STPG2: variants seen among roughly 807,000 people sequenced by gnomAD.
STPG2 encodes the protein sperm-tail PG-rich repeat-containing protein 2.
In STPG2, 56 loss-of-function variants were observed where a neutral mutation model predicts 54.2. The observed-to-expected ratio is 1.03, with a 90% CI of 0.83 to 1.29. The LOEUF is 1.29. Ranked by LOEUF, STPG2 falls within the 50% of genes most tolerant of loss-of-function variation. The pLI, the probability that STPG2 is intolerant of heterozygous loss-of-function variation, is 0.00. For missense variants in STPG2, 596 were observed against 544.9 expected (o/e 1.09, Z -0.93); for synonymous variants, 200 against 181.8 (o/e 1.10, Z -0.81).
At chr4:97,921,199 C>T (rs969328589) in intron 8 of STPG2, among the ~76,000 whole-genome samples, 3 of 152,072 alleles carry the variant, frequency 2.0e-5, no homozygotes, top group East Asian at 1.9e-4. Context: ...CCTAACTTTG[C>T]CATGCACCCC....
chr4:98,113,518 G>A (rs1006459032), intron 3 of STPG2, among the ~76,000 whole-genome samples: 1 of 151,920 alleles, frequency 6.6e-6, no homozygotes, highest in Non-Finnish European at 1.5e-5. Flanking sequence ...ACTGTACGTG[G>A]TCTCAGTGGG....
chr4:97,810,391 G>T (rs1245423165), intron 9 of STPG2, among the ~76,000 whole-genome samples: 1 of 151,810 alleles, frequency 6.6e-6, no homozygotes, highest in East Asian at 1.9e-4. Context: ...TTGAACCCGG[G>T]GGGCAGAGGT....
intron 8 of STPG2, among the ~76,000 whole-genome samples, chr4:97,920,872 A>C (rs1732080167): frequency 6.6e-6 from 1 of 152,090 alleles, no homozygotes; most frequent in Admixed American, 6.5e-5. Context: ...TTATTTTCTA[A>C]AAGTCTTACA....
chr4:97,984,329 G>C (rs1340645738), intron 5 of STPG2, among the ~76,000 whole-genome samples: 1 of 152,022 alleles, frequency 6.6e-6, no homozygotes, highest in African/African-American at 2.4e-5. Context: ...ATTTTTAGTA[G>C]AGACTGGATT....
intron 8 of STPG2, among the ~76,000 whole-genome samples, chr4:97,873,516 G>A (rs1730063808): frequency 6.6e-6 from 1 of 151,420 alleles, no homozygotes; most frequent in Non-Finnish European, 1.5e-5. Context: ...AAGCACTATT[G>A]AACATGAAAG....
At chr4:97,869,328 A>G (rs1422440995) in intron 8 of STPG2, among the ~76,000 whole-genome samples, 1 of 151,650 alleles carries the variant, frequency 6.6e-6, no homozygotes, top group African/African-American at 2.4e-5. Flanking sequence ...ACTAAAAGTT[A>G]AAGGCTCTGT....
chr4:97,632,912 C>T (rs1386026151), intron 10 of STPG2, among the ~76,000 whole-genome samples: 1 of 151,980 alleles, frequency 6.6e-6, no homozygotes, highest in Admixed American at 6.6e-5. Context: ...CAATTGGATG[C>T]TTATTATATG....
intron 8 of STPG2, among the ~76,000 whole-genome samples, chr4:97,868,630 T>C (rs138989503): frequency 1.3e-5 from 2 of 151,992 alleles, no homozygotes; most frequent in East Asian, 3.9e-4. Context: ...CTTTCTCACA[T>C]AGAGTGTACT....
At chr4:97,563,969 G>A (rs181301273) in intron 10 of STPG2, among the ~76,000 whole-genome samples, 1 of 152,170 alleles carries the variant, frequency 6.6e-6, no homozygotes, top group East Asian at 1.9e-4. Context: ...GCAGAGCTGA[G>A]TTCAATTCCT....
intron 4 of STPG2, among the ~76,000 whole-genome samples, chr4:97,553,326 A>G (rs1732007602): frequency 6.6e-6 from 1 of 152,174 alleles, no homozygotes; most frequent in African/African-American, 2.4e-5. Context: ...ATGTTGCTGC[A>G]AAGCTCAGGA....
rs1726070330 is a variant in STPG2, at chr4:97,766,876, A to C, written c.1205-54062T>G. On this transcript the variant is annotated intron_variant, in intron 9 of 10. Transcript: ENST00000295268. ...TTTTTAGTTATTGTAACATATGCTTAATTGTATCACCCACTGTAATTTATT... is the reference window on the plus strand; with the variant it reads ...TTTTTAGTTATTGTAACATATGCTTCATTGTATCACCCACTGTAATTTATT... Among the ~76,000 whole-genome samples, 3 of 152,084 alleles carry C rather than the reference A, an allele frequency of 2.0e-5. No individual in the cohort carries two copies. The South Asian group carries it at 6.2e-4, about 32-fold the overall frequency.
At chr4:98,024,430 C>A (rs1736346106) in intron 5 of STPG2, among the ~76,000 whole-genome samples, 1 of 152,180 alleles carries the variant, frequency 6.6e-6, no homozygotes. Flanking sequence ...TAGGTCACTG[C>A]TGATCTCAAT....
chr4:97,932,917 G>T (rs1403363399), intron 8 of STPG2, among the ~76,000 whole-genome samples: 1 of 152,048 alleles, frequency 6.6e-6, no homozygotes, highest in Non-Finnish European at 1.5e-5. Flanking sequence ...GGTATTCCTG[G>T]TTCTAGATCA....
At chr4:97,702,036 G>A (rs547775563) in intron 10 of STPG2, among the ~76,000 whole-genome samples, 106 of 152,244 alleles carry the variant, frequency 7.0e-4, no homozygotes, top group African/African-American at 2.4e-3. Context: ...CATTGTTCAG[G>A]GGATGTCTTC....
At chr4:98,088,154 G>A (rs1415058449) in intron 5 of STPG2, among the ~76,000 whole-genome samples, 1 of 152,176 alleles carries the variant, frequency 6.6e-6, no homozygotes, top group Non-Finnish European at 1.5e-5. Context: ...GGAAACTGAA[G>A]GTAGTTCAAT....
At chr4:97,631,396 TG>T (rs1173089159) in intron 10 of STPG2, among the ~76,000 whole-genome samples, 5 of 152,054 alleles carry the variant, frequency 3.3e-5, no homozygotes, top group Non-Finnish European at 7.4e-5. Flanking sequence ...GTAACAATTC[TG>T]AAGTTAAAAT....
chr4:98,054,217 C>T (rs1201537269), intron 5 of STPG2, among the ~76,000 whole-genome samples: 1 of 152,076 alleles, frequency 6.6e-6, no homozygotes, highest in African/African-American at 2.4e-5. Flanking sequence ...TGCAAAACAG[C>T]TGGTATTTAG....
At chr4:98,052,287 C>G (rs1232918959) in intron 5 of STPG2, among the ~76,000 whole-genome samples, 1 of 152,050 alleles carries the variant, frequency 6.6e-6, no homozygotes, top group Non-Finnish European at 1.5e-5. Flanking sequence ...ATTTGTTTAT[C>G]TCTTGAGATG....
At chr4:98,077,995 T>C (rs1229984387) in intron 5 of STPG2, among the ~76,000 whole-genome samples, 1 of 152,098 alleles carries the variant, frequency 6.6e-6, no homozygotes, top group Non-Finnish European at 1.5e-5. Context: ...AAAATAAATG[T>C]TATCTCAGAC....
Sources: allele counts gnomAD v4.1 joint callset (sites outside exome capture counted in the v4.1 genomes callset), GRCh38; gene constraint gnomAD v4.1.1; transcripts MANE v1.5; gene names NCBI Gene and HGNC (gene_info 2026-07-23, HGNC 2026-07-21).